AGPAT4: variants seen among roughly 807,000 people sequenced by gnomAD.
AGPAT4 encodes 1-acylglycerol-3-phosphate O-acyltransferase 4, also known as 1-acyl-sn-glycerol-3-phosphate acyltransferase delta.
A neutral mutation model predicts 48.0 loss-of-function variants in AGPAT4; 15 were observed. The observed-to-expected ratio is 0.31, with a 90% CI of 0.21 to 0.48. AGPAT4 has a LOEUF of 0.48. Ranked by LOEUF, AGPAT4 falls within the 20% of genes least tolerant of loss-of-function variation. The probability of loss-of-function intolerance (pLI) is 0.99; values close to 1 mark genes in which losing one functional copy is unlikely to be tolerated. For missense variants in AGPAT4, 314 were observed against 482.5 expected, an observed-to-expected ratio of 0.65 and a Z score of 3.27; for synonymous variants, 178 against 198.7, an observed-to-expected ratio of 0.90 and a Z score of 0.88.
intron 1 of AGPAT4, among the ~76,000 whole-genome samples, chr6:161,269,846 CATGT>C (rs911538941): frequency 2.6e-5 from 4 of 152,118 alleles, no homozygotes; most frequent in African/African-American, 9.7e-5. Flanking sequence ...ATGGATGTAT[CATGT>C]ATGTGTGAAT....
Position 161,132,930 on chromosome 6 carries a change from A to C in AGPAT4, c.*3610T>G, listed in dbSNP as rs1162225686. ...TTCTTTTAAACACAAATGGCAGCTC[A>C]CAAATATTCCTCTAAATATTCCTCC... On this transcript the variant is annotated 3_prime_UTR_variant, in exon 9 of 9. Transcript: ENST00000320285. 1 of 152,216 alleles carries C rather than the reference A, an allele frequency of 6.6e-6. No individual in the cohort carries two copies. Among genetic ancestry groups the C allele is most frequent in the Non-Finnish European group, 1.5e-5 (1 of 68,060 alleles). 9.4% of individuals were successfully genotyped at this position (152,216 alleles called of 1,614,324 possible).
intron 2 of AGPAT4, among the ~76,000 whole-genome samples, chr6:161,167,393 T>A (rs1205592753): frequency 6.6e-6 from 1 of 152,074 alleles, no homozygotes; most frequent in African/African-American, 2.4e-5. Context: ...GCCCAGCTAA[T>A]TTTTTTGTAT....
intron 2 of AGPAT4, among the ~76,000 whole-genome samples, chr6:161,190,814 C>A (rs1780903055): frequency 6.6e-6 from 1 of 152,126 alleles, no homozygotes; most frequent in African/African-American, 2.4e-5. Flanking sequence ...ATAAACTAAT[C>A]ATTAAAAAGT....
chr6:161,168,032 G>A (rs568577961), intron 2 of AGPAT4, among the ~76,000 whole-genome samples: 1 of 152,038 alleles, frequency 6.6e-6, no homozygotes, highest in East Asian at 1.9e-4. Context: ...CCATTCAGTT[G>A]TCCCACCAGG....
At chr6:161,175,523 T>C (rs1319438654) in intron 2 of AGPAT4, among the ~76,000 whole-genome samples, 4 of 152,198 alleles carry the variant, frequency 2.6e-5, no homozygotes, top group Non-Finnish European at 5.9e-5. Flanking sequence ...ATTGCGTCTA[T>C]TTGATTCTTC....
rs1293730486 is a variant in AGPAT4, at chr6:161,221,072, C to T, written c.178+10964G>A. Among the ~76,000 whole-genome samples the T allele has an allele frequency of 1.3e-5, 2 of 152,162 alleles. No individual in the cohort carries two copies. The highest frequency in any genetic ancestry group is 2.4e-5 in the African/African-American group (1 of 41,426). ...GTGCTGGATTACAGGCATGAGCCAC[C>T]GCACCCGGCCCCAGACAGCATATTT... On this transcript the variant is annotated intron_variant, in intron 2 of 8. Transcript: ENST00000320285. The surrounding 1 kb of genome is among the most constrained non-coding windows in gnomAD (Gnocchi z 4.5).
rs1779364641 is a variant in AGPAT4, at chr6:161,144,770, TGA to T, written c.843+1752_843+1753del. The stretch of plus-strand genomic sequence containing the variant: ...GAGGAGGGCAGATCACAAGACCTTG[TGA>T]GATCGAGACCATCCTGGCAAACACG... On this transcript the variant is annotated intron_variant, in intron 7 of 8. Coordinates refer to ENST00000320285, the MANE Select transcript of AGPAT4 (RefSeq NM_020133.3). The surrounding 1 kb of genome is among the most constrained non-coding windows in gnomAD (Gnocchi z 6.6). Among the ~76,000 whole-genome samples the T allele has an allele frequency of 6.6e-6, 1 of 152,076 alleles. No individual in the cohort carries two copies. The highest frequency in any genetic ancestry group is 6.5e-5 in the Admixed American group (1 of 15,272).
rs1198773787 is a variant in AGPAT4, at chr6:161,220,724, C to G, written c.178+11312G>C. Among the ~76,000 whole-genome samples the G allele has an allele frequency of 6.6e-6, 1 of 151,928 alleles. No individual in the cohort carries two copies. The highest frequency in any genetic ancestry group is 1.5e-5 in the Non-Finnish European group (1 of 67,918). On this transcript the variant is annotated intron_variant, in intron 2 of 8. Coordinates refer to ENST00000320285, the MANE Select transcript of AGPAT4 (RefSeq NM_020133.3). The surrounding 1 kb of genome is among the most constrained non-coding windows in gnomAD (Gnocchi z 6.0). ...ACAGTTTCATTCTATCTTTCCTACG[C>G]AGACTGCCCCATTGGTTGTGCAAAG...
rs1479608632 is a variant in AGPAT4 at position 161,165,310 on chromosome 6, T to C, written c.348+938A>G. Among the ~76,000 whole-genome samples, 3 of 152,212 alleles carry C rather than the reference T, an allele frequency of 2.0e-5. No homozygotes were observed. The highest frequency in any genetic ancestry group is 4.4e-5 in the Non-Finnish European group (3 of 68,048). ...AACAGTGGGCAGGAGGCTATCTTCA[T>C]CTGCCTCCAGGAACCAGACCCGTCT... On this transcript the variant is annotated intron_variant, in intron 3 of 8. Coordinates refer to ENST00000320285, the MANE Select transcript of AGPAT4 (RefSeq NM_020133.3). The surrounding 1 kb of genome is among the most constrained non-coding windows in gnomAD (Gnocchi z 5.5).
chr6:161,196,816 CAAA>C lies in AGPAT4; in HGVS notation c.179-30402_179-30400del, dbSNP rs56741331. ...AGAGAAAGACTCTATCTCCCCCCGC[CAAA>C]AAAAAAAAAAAAATGCCAAGGAGAG... On this transcript the variant is annotated intron_variant, in intron 2 of 8. Coordinates refer to ENST00000320285, the MANE Select transcript of AGPAT4 (RefSeq NM_020133.3). This position sits in a 1 kb window ranked among gnomAD's most constrained non-coding sequence, Gnocchi z 4.3. 1.9e-5 allele frequency among the ~76,000 whole-genome samples: 2 copies of C among 105,136 alleles called. No homozygotes were observed. Among genetic ancestry groups the C allele is most frequent in the Non-Finnish European group, 2.1e-5 (1 of 48,648 alleles). 69.0% of individuals were successfully genotyped at this position (105,136 alleles called of 152,430 possible). A position where few individuals can be genotyped will look rare whatever the true frequency, so the allele number is the denominator to read the frequency against.
In AGPAT4 at chr6:161,246,953, G is replaced by A. The variant is rs574601521; in HGVS notation, c.-89-14651C>T. Among the ~76,000 whole-genome samples the A allele has an allele frequency of 1.3e-5, 2 of 152,188 alleles. No homozygotes were observed. Among genetic ancestry groups the A allele is most frequent in the African/African-American group, 2.4e-5 (1 of 41,498 alleles). ...TCTTTCCCATTAACATTAAACACAGGGCAGATGACACACCAAGTTATTCTC... is the reference window on the plus strand; with the variant it reads ...TCTTTCCCATTAACATTAAACACAGAGCAGATGACACACCAAGTTATTCTC... On this transcript the variant is annotated intron_variant, in intron 1 of 8. Coordinates refer to ENST00000320285, the MANE Select transcript of AGPAT4 (RefSeq NM_020133.3). The surrounding 1 kb of genome is among the most constrained non-coding windows in gnomAD (Gnocchi z 5.5).
At position 161,206,740 on chromosome 6, in the gene AGPAT4, G is replaced by T. The variant is rs1048092203; in HGVS notation, c.178+25296C>A. On this transcript the variant is annotated intron_variant, in intron 2 of 8. Coordinates refer to ENST00000320285, the MANE Select transcript of AGPAT4 (RefSeq NM_020133.3). This position sits in a 1 kb window ranked among gnomAD's most constrained non-coding sequence, Gnocchi z 4.8. ...CACAGACATGGAAGATATTTAAGAAGAATTTTTAAATGGCCATCATAAAAC... is the reference window on the plus strand; with the variant it reads ...CACAGACATGGAAGATATTTAAGAATAATTTTTAAATGGCCATCATAAAAC... 2.0e-5 allele frequency among the ~76,000 whole-genome samples: 3 copies of T among 151,860 alleles called. No individual in the cohort carries two copies. The highest frequency in any genetic ancestry group is 7.3e-5 in the African/African-American group (3 of 41,308).
intron 2 of AGPAT4, among the ~76,000 whole-genome samples, chr6:161,209,160 A>G (rs1181440460): frequency 6.6e-6 from 1 of 152,174 alleles, no homozygotes; most frequent in Non-Finnish European, 1.5e-5. Flanking sequence ...AACTTTGATG[A>G]GTGACATGAG....
chr6:161,165,902 T>C lies in AGPAT4; in HGVS notation c.348+346A>G. 1.7e-6 allele frequency: 1 copy of C among 601,132 alleles called. No individual in the cohort carries two copies. Among genetic ancestry groups the C allele is most frequent in the South Asian group, 2.0e-5 (1 of 50,090 alleles). 37.2% of individuals were successfully genotyped at this position (601,132 alleles called of 1,614,324 possible). A position where few individuals can be genotyped will look rare whatever the true frequency, so the allele number is the denominator to read the frequency against. The stretch of plus-strand genomic sequence containing the variant: ...GGATGGGAGTGAAATCCAAATCTAA[T>C]TACAGCTGTGTGACTCTGAGCCGAA... On this transcript the variant is annotated intron_variant, in intron 3 of 8. Coordinates refer to ENST00000320285, the MANE Select transcript of AGPAT4 (RefSeq NM_020133.3). This position sits in a 1 kb window ranked among gnomAD's most constrained non-coding sequence, Gnocchi z 5.5.
In AGPAT4 at chr6:161,215,961, C is replaced by G. The variant is rs1422767537; in HGVS notation, c.178+16075G>C. Among the ~76,000 whole-genome samples, 1 of 152,218 alleles carries G rather than the reference C, an allele frequency of 6.6e-6. No homozygotes were observed. The highest frequency in any genetic ancestry group is 1.5e-5 in the Non-Finnish European group (1 of 68,038). On this transcript the variant is annotated intron_variant, in intron 2 of 8. Transcript: ENST00000320285. This position sits in a 1 kb window ranked among gnomAD's most constrained non-coding sequence, Gnocchi z 4.5. ...ACCCTGCCATGAAGGGCTATCAAAC[C>G]TCCTCTGCCCCTAGAGCTGGAAAGC...
chr6:161,151,947 G>C (rs1047644043), intron 5 of AGPAT4, among the ~76,000 whole-genome samples: 2 of 152,250 alleles, frequency 1.3e-5, no homozygotes, highest in Non-Finnish European at 2.9e-5. Flanking sequence ...CAGAGCAAGA[G>C]AGACATTTAG....
rs1782894403 is a variant in AGPAT4, at chr6:161,254,598, T to C, written c.-90+19340A>G. 6.6e-6 allele frequency among the ~76,000 whole-genome samples: 1 copy of C among 152,192 alleles called. No homozygotes were observed. The highest frequency in any genetic ancestry group is 2.4e-5 in the African/African-American group (1 of 41,442). The stretch of plus-strand genomic sequence containing the variant: ...GCTTACAGTAAGAAATAACTAAGTA[T>C]TGGGAAATCGAGGAGAAAATGCCTT... On this transcript the variant is annotated intron_variant, in intron 1 of 8. Coordinates refer to ENST00000320285, the MANE Select transcript of AGPAT4 (RefSeq NM_020133.3). This position sits in a 1 kb window ranked among gnomAD's most constrained non-coding sequence, Gnocchi z 5.9.
At position 161,139,230 on chromosome 6, in the gene AGPAT4, A is replaced by AG. The variant is rs1179721488; in HGVS notation, c.1042+191dup. On this transcript the variant is annotated intron_variant, in intron 8 of 8. Transcript: ENST00000320285. This position sits in a 1 kb window ranked among gnomAD's most constrained non-coding sequence, Gnocchi z 9.1. ...GGAGGCTGGACCGTCCAGGCTGCGG[A>AG]GGGGGTCCCAGGCCTGGTATTCGAG... is the stretch of plus-strand genomic sequence containing the variant. 2.0e-5 allele frequency among the ~76,000 whole-genome samples: 3 copies of AG among 152,116 alleles called. No individual in the cohort carries two copies. The highest frequency in any genetic ancestry group is 4.8e-5 in the African/African-American group (2 of 41,426).
In AGPAT4 at chr6:161,219,441, C is replaced by T. The variant is rs1162181220; in HGVS notation, c.178+12595G>A. ...TCTCAGGTTTGTTTTTTCTATACCCCAATGGCTTGTCTTGTTTACCTCCTG... is the reference window on the plus strand; with the variant it reads ...TCTCAGGTTTGTTTTTTCTATACCCTAATGGCTTGTCTTGTTTACCTCCTG... On this transcript the variant is annotated intron_variant, in intron 2 of 8. Transcript: ENST00000320285. The surrounding 1 kb of genome is among the most constrained non-coding windows in gnomAD (Gnocchi z 4.9). Among the ~76,000 whole-genome samples the T allele has an allele frequency of 1.3e-5, 2 of 151,908 alleles. No individual in the cohort carries two copies. The highest frequency in any genetic ancestry group is 2.9e-5 in the Non-Finnish European group (2 of 68,002).
Sources: gnomAD v4.1 joint callset for allele counts (sites outside exome capture counted in the v4.1 genomes callset) on GRCh38, gnomAD v4.1.1 for gene constraint, Gnocchi (gnomAD v3.1) non-coding constraint, MANE v1.5 for transcripts, NCBI Gene and HGNC (gene_info 2026-07-23, HGNC 2026-07-21) for gene names.